Variants in FBXO21 observed in about 807,000 individuals in gnomAD.
FBXO21 encodes the protein F-box protein 21.
FBXO21 carries 32 observed loss-of-function variants against 76.6 expected under a neutral mutation model. The observed-to-expected ratio is 0.42, with a 90% CI of 0.32 to 0.56. The LOEUF (loss-of-function observed/expected upper bound fraction) is 0.56. FBXO21 is among the 20% of genes least tolerant of loss of function. The pLI is 0.16. For synonymous variants in FBXO21, 328 were observed against 311.5 expected, an observed-to-expected ratio of 1.05 and a Z score of -0.56; for missense variants, 586 against 797.3, an observed-to-expected ratio of 0.73 and a Z score of 3.19.
At chr12:117,187,986 A>G (rs1956300732) in intron 2 of FBXO21, among the ~76,000 whole-genome samples, 1 of 152,286 alleles carries the variant, frequency 6.6e-6, no homozygotes, top group South Asian at 2.1e-4. Flanking sequence ...AGGGGAAAAC[A>G]TTCAAATTTG....
At chr12:117,174,015 T>C (rs1003251333) in intron 6 of FBXO21, among the ~76,000 whole-genome samples, 190 bp downstream of exon 6, 1 of 152,094 alleles carries the variant, frequency 6.6e-6, no homozygotes, top group African/African-American at 2.4e-5. Flanking sequence ...TGGTGGCATG[T>C]AGTCCTAGCT....
At chr12:117,171,147 T>C (rs923168621) in intron 7 of FBXO21, among the ~76,000 whole-genome samples, 2 of 152,044 alleles carry the variant, frequency 1.3e-5, no homozygotes, top group Non-Finnish European at 2.9e-5. Context: ...GCGGATCACT[T>C]GAACTCAGGC....
chr12:117,178,161 G>A (rs966159235), intron 3 of FBXO21, among the ~76,000 whole-genome samples: 1 of 152,040 alleles, frequency 6.6e-6, no homozygotes, highest in African/African-American at 2.4e-5. Flanking sequence ...CCCTCCCAGA[G>A]TCACCCTCAT....
intron 1 of FBXO21, 84 bp downstream of exon 1, chr12:117,190,134 G>C (rs1209211800): frequency 1.4e-6 from 1 of 702,448 alleles, no homozygotes; most frequent in Non-Finnish European, 1.7e-6. Context: ...CGGGGCGGCC[G>C]CGGGGAGCTA....
At chr12:117,156,985 C>T (rs973261299) in intron 10 of FBXO21, among the ~76,000 whole-genome samples, 11 of 151,992 alleles carry the variant, frequency 7.2e-5, no homozygotes, top group African/African-American at 2.7e-4. Flanking sequence ...GAGTTAGTGA[C>T]GTGCCTGGCC....
chr12:117,162,969 G>A (rs879706666), intron 9 of FBXO21, among the ~76,000 whole-genome samples: 36 of 152,114 alleles, frequency 2.4e-4, no homozygotes, highest in African/African-American at 8.2e-4. Flanking sequence ...AACCTTGTCC[G>A]ATTTCTTCAG....
intron 7 of FBXO21, among the ~76,000 whole-genome samples, chr12:117,170,491 T>C (rs1369951918): frequency 6.6e-6 from 1 of 152,166 alleles, no homozygotes; most frequent in Non-Finnish European, 1.5e-5. Flanking sequence ...AATTATAAAG[T>C]TACAGTGCTT....
intron 9 of FBXO21, among the ~76,000 whole-genome samples, chr12:117,160,835 T>C (rs1171609857): frequency 6.6e-6 from 1 of 152,192 alleles, no homozygotes; most frequent in Non-Finnish European, 1.5e-5. Flanking sequence ...GGTTTTGTCA[T>C]GTTGCTCAAG....
intron 3 of FBXO21, among the ~76,000 whole-genome samples, chr12:117,180,151 A>T (rs114412190): frequency 0.2 from 30,114 of 151,974 alleles, 3,320 homozygotes; most frequent in East Asian, 0.42. Flanking sequence ...AGGATGCACC[A>T]CCAGGCTCAT....
At position 117,142,669 on chromosome 12, in the gene FBXO21, C is replaced by T. The variant is rs1955728511; in HGVS notation, c.*3418G>A. ...TTTGTCCAGTTGATGTCTCTCCTTCCCTCCAAAAAAAAAAAAAAAAAAAAA... is the reference window on the plus strand; with the variant it reads ...TTTGTCCAGTTGATGTCTCTCCTTCTCTCCAAAAAAAAAAAAAAAAAAAAA... On this transcript the variant is annotated 3_prime_UTR_variant, in exon 12 of 12. Coordinates refer to ENST00000622495, the MANE Select transcript of FBXO21 (RefSeq NM_015002.3). 1 of 123,722 alleles carries T rather than the reference C, an allele frequency of 8.1e-6. No homozygotes were observed. The allele number at this position is 123,722 out of a possible 1,614,324, so 7.7% of individuals were successfully genotyped here.
Position 117,157,798 on chromosome 12 carries a change from G to A in FBXO21, c.1517+75C>T, listed in dbSNP as rs532246304. 5 of 1,317,118 alleles carry A rather than the reference G, an allele frequency of 3.8e-6. No individual in the cohort carries two copies. The Admixed American group carries it at 8.7e-5, about 23-fold the overall frequency. The allele number at this position is 1,317,118 out of a possible 1,614,324, so 81.6% of individuals were successfully genotyped here. On this transcript the variant is annotated intron_variant, in intron 10 of 11. Transcript: ENST00000622495. Reference sequence around the variant, plus strand: ...GCTCCTCCTCCACTGTGTCCTGGGGGCTCACCAGGTGCATGTGTGTCTCTG... The same window carrying A: ...GCTCCTCCTCCACTGTGTCCTGGGGACTCACCAGGTGCATGTGTGTCTCTG...
rs550481823 is a variant in FBXO21, at chr12:117,173,009, G to A, written c.877-402C>T. Among the ~76,000 whole-genome samples, 6 of 151,938 alleles carry A rather than the reference G, an allele frequency of 3.9e-5. No individual in the cohort carries two copies. In the South Asian group the frequency reaches 1.3e-3, roughly 32 times the overall value. On this transcript the variant is annotated intron_variant, in intron 6 of 11. Coordinates refer to ENST00000622495, the MANE Select transcript of FBXO21 (RefSeq NM_015002.3). The stretch of plus-strand genomic sequence containing the variant: ...GCAGAACTTGGTGGTTAACAACAGA[G>A]ACTACATGGCCCTCAATGCTGAAAT...
At position 117,189,370 on chromosome 12, in the gene FBXO21, G is replaced by C. The variant is rs373986865; in HGVS notation, c.240-8C>G. The C allele has an allele frequency of 1.2e-6, 2 of 1,614,098 alleles. No homozygotes were observed. Among genetic ancestry groups the C allele is most frequent in the South Asian group, 1.1e-5 (1 of 91,078 alleles). On this transcript the variant is annotated splice_region_variant and splice_polypyrimidine_tract_variant and intron_variant, in intron 1 of 11. Transcript: ENST00000622495. ...TTCATAAGGGAAGGCCACCTACGAG[G>C]AGAGAAACACCCCCTCAGCTTAACA... is the stretch of plus-strand genomic sequence containing the variant.
At chr12:117,156,013 C>T (rs1955911907) in intron 10 of FBXO21, 65 bp from the exon 11 acceptor site, 4 of 1,521,782 alleles carry the variant, frequency 2.6e-6, no homozygotes, top group South Asian at 1.1e-5. Flanking sequence ...CAGACAACCG[C>T]GTGGCTTCTC....
rs776386359 is a variant in FBXO21 at position 117,155,785 on chromosome 12, G to A, written c.1675+6C>T. ...GCCACTGGCACAAGCGGAACCCGCC[G>A]CTTACCTTGGGCTGCGTATCGACAG... On this transcript the variant is annotated splice_donor_region_variant and intron_variant, in intron 11 of 11. Coordinates refer to ENST00000622495, the MANE Select transcript of FBXO21 (RefSeq NM_015002.3). 8.1e-6 allele frequency: 13 copies of A among 1,611,026 alleles called. No homozygotes were observed. The East Asian group carries it at 2.7e-4, about 33-fold the overall frequency.
In FBXO21 at chr12:117,177,639, T is replaced by C; in HGVS notation, c.473A>G (p.Lys158Arg). 1 of 1,611,496 alleles carries C rather than the reference T, an allele frequency of 6.2e-7. No individual in the cohort carries two copies. Among genetic ancestry groups the C allele is most frequent in the Non-Finnish European group, 8.5e-7 (1 of 1,179,256 alleles). The change falls in exon 4 of 12, where the codon AAA becomes AGA. Residue 158 changes from lysine (K) to arginine (R), a missense_variant and splice_region_variant. Physicochemically the swap from Lys to Arg is conservative, Grantham distance 26. Transcript: ENST00000622495. Reference sequence around the variant, plus strand: ...TGCGTAGTATTTCCAGGTCAAAGCTTTTCTGGAAACAAAAAGTCAGTAAGA... The same window carrying C: ...TGCGTAGTATTTCCAGGTCAAAGCTCTTCTGGAAACAAAAAGTCAGTAAGA... The part of the protein sequence containing the change: ...LVCILNMEGR[K>R]ALTWKYYAKK...
intron 3 of FBXO21, among the ~76,000 whole-genome samples, chr12:117,186,029 C>T (rs1307033443): frequency 2.0e-5 from 3 of 152,002 alleles, no homozygotes; most frequent in Non-Finnish European, 4.4e-5. Flanking sequence ...TGTACCACCA[C>T]ACCCAGCTAA....
chr12:117,170,697 T>C (rs1290097968), intron 7 of FBXO21, among the ~76,000 whole-genome samples: 4 of 152,172 alleles, frequency 2.6e-5, no homozygotes, highest in African/African-American at 9.7e-5. Context: ...CATTATAGTG[T>C]ATGTCTGCTG....
chr12:117,169,323 G>A (rs537008438), intron 7 of FBXO21, among the ~76,000 whole-genome samples: 2 of 152,252 alleles, frequency 1.3e-5, no homozygotes, highest in South Asian at 4.2e-4. Context: ...CCTATCAGAG[G>A]GTGGGCGGTG....
Sources: gnomAD v4.1 joint callset for allele counts (sites outside exome capture counted in the v4.1 genomes callset) on GRCh38, gnomAD v4.1.1 for gene constraint, MANE v1.5 for transcripts, NCBI Gene and HGNC (gene_info 2026-07-23, HGNC 2026-07-21) for gene names.